The following CUEDC1 variants were observed in gnomAD, a reference collection of about 807,000 sequenced individuals.
CUEDC1 encodes CUE domain-containing protein 1.
In CUEDC1, 30 loss-of-function variants were observed where a neutral mutation model predicts 43.7. That is an observed-to-expected ratio of 0.69 (90% CI 0.51 to 0.93). The LOEUF (loss-of-function observed/expected upper bound fraction) is 0.93, where lower values mean the gene tolerates loss of function less well. Among genes scored for constraint, CUEDC1 ranks in the 40% least tolerant of loss-of-function variants. The probability of loss-of-function intolerance (pLI) is 0.00; values close to 1 mark genes in which losing one functional copy is unlikely to be tolerated. For missense variants in CUEDC1, 486 were observed against 549.0 expected (o/e 0.89, Z 1.15); for synonymous variants, 223 against 223.6 (o/e 1.00, Z 0.02).
Position 57,885,403 on chromosome 17 carries a change from G to A in CUEDC1, c.162C>T (p.Phe54=), listed in dbSNP as rs747866067. ...AATCCATGTTGGGGAACATGGTCTT[G>A]AAGTCGTCCATGGCCTGGTTGAACT... ...RLEFNQAMDD[F]KTMFPNMDYD... is the part of the protein sequence containing the mutation. The change falls in exon 2 of 11, where the codon TTC becomes TTT. Residue 54 remains phenylalanine, a synonymous_variant. Transcript: ENST00000577830. The A allele has an allele frequency of 1.2e-6, 2 of 1,610,226 alleles. No homozygotes were observed. Among genetic ancestry groups the A allele is most frequent in the Non-Finnish European group, 1.7e-6 (2 of 1,179,082 alleles).
intron 1 of CUEDC1, among the ~76,000 whole-genome samples, chr17:57,904,530 C>T (rs923131547): frequency 6.6e-6 from 1 of 152,156 alleles, no homozygotes; most frequent in Non-Finnish European, 1.5e-5. Context: ...TTTGAGCAAG[C>T]CTTATAAGCC....
Position 57,879,696 on chromosome 17 carries a change from G to C in CUEDC1, c.379C>G (p.Pro127Ala), listed in dbSNP as rs2144949390. The C allele has an allele frequency of 6.2e-7, 1 of 1,601,562 alleles. No homozygotes were observed. Among genetic ancestry groups the C allele is most frequent in the East Asian group, 2.3e-5 (1 of 43,338 alleles). The part of the protein sequence containing the change: ...TLEPDSSDEE[P>A]PPVYSPPAYH... ...GCTGGCGGGGAGTACACAGGTGGGG[G>C]CTCTTCATCCGAGCTATCAGGTTCC... The change falls in exon 3 of 11, where the codon CCC becomes GCC. Residue 127 changes from proline to alanine, a missense_variant. Pro to Ala is a conservative substitution (Grantham distance 27). Coordinates refer to ENST00000577830, the MANE Select transcript of CUEDC1 (RefSeq NM_001271875.2).
chr17:57,943,564 A>G (rs532794359), intron 1 of CUEDC1, among the ~76,000 whole-genome samples: 1 of 152,088 alleles, frequency 6.6e-6, no homozygotes, highest in Non-Finnish European at 1.5e-5. Context: ...TTCACCATCC[A>G]TGGCAGTTTT....
At position 57,885,674 on chromosome 17, in the gene CUEDC1, C is replaced by T. The variant is rs991335860; in HGVS notation, c.-110G>A. On this transcript the variant is annotated 5_prime_UTR_variant, in exon 2 of 11. Transcript: ENST00000577830. Reference sequence around the variant, plus strand: ...CCCTGCGGTCTCGGGCAGCTCACTCCTGCGCCTCCTCCTCCCCGGGTAGCC... The same window carrying T: ...CCCTGCGGTCTCGGGCAGCTCACTCTTGCGCCTCCTCCTCCCCGGGTAGCC... 5 of 1,307,738 alleles carry T rather than the reference C, an allele frequency of 3.8e-6. No homozygotes were observed. The highest frequency in any genetic ancestry group is 4.8e-6 in the Non-Finnish European group (5 of 1,032,676). 81.0% of individuals were successfully genotyped at this position (1,307,738 alleles called of 1,614,324 possible).
chr17:57,908,031 A>T (rs929830069), intron 1 of CUEDC1, among the ~76,000 whole-genome samples: 1 of 151,978 alleles, frequency 6.6e-6, no homozygotes, highest in African/African-American at 2.4e-5. Flanking sequence ...CCTCGTTCAC[A>T]CACGCATGCC....
chr17:57,886,893 A>G (rs1284964043), intron 1 of CUEDC1, among the ~76,000 whole-genome samples: 1 of 140,726 alleles, frequency 7.1e-6, no homozygotes, highest in Non-Finnish European at 1.5e-5. Flanking sequence ...ATCTCGGTTC[A>G]CTGCAAACTC....
intron 1 of CUEDC1, among the ~76,000 whole-genome samples, chr17:57,911,600 T>G (rs2074584229): frequency 6.6e-6 from 1 of 152,180 alleles, no homozygotes. Context: ...CCTCCCAGGT[T>G]CAAGCAATTC....
rs2074789574 is a variant in CUEDC1, at chr17:57,930,094, C to A, written c.-316+25131G>T. On this transcript the variant is annotated intron_variant, in intron 1 of 10. Coordinates refer to ENST00000577830, the MANE Select transcript of CUEDC1 (RefSeq NM_001271875.2). This position sits in a 1 kb window ranked among gnomAD's most constrained non-coding sequence, Gnocchi z 4.2. The stretch of plus-strand genomic sequence containing the variant: ...CTGGGATTACAGGCGTGAGCCACTG[C>A]GCCCGGCCACTTCTCAGACTTTAAT... 6.6e-6 allele frequency among the ~76,000 whole-genome samples: 1 copy of A among 152,204 alleles called. No homozygotes were observed. The highest frequency in any genetic ancestry group is 6.5e-5 in the Admixed American group (1 of 15,288).
At chr17:57,936,894 C>T (rs554234081) in intron 1 of CUEDC1, among the ~76,000 whole-genome samples, 16 of 151,232 alleles carry the variant, frequency 1.1e-4, no homozygotes, top group African/African-American at 3.9e-4. Context: ...GATCTCGGCT[C>T]ACTGCAACCT....
chr17:57,925,295 G>C (rs2074736229), intron 1 of CUEDC1, among the ~76,000 whole-genome samples: 1 of 152,156 alleles, frequency 6.6e-6, no homozygotes, highest in Non-Finnish European at 1.5e-5. Flanking sequence ...GTGTGACTGA[G>C]AAGTCAGGAT....
intron 1 of CUEDC1, among the ~76,000 whole-genome samples, chr17:57,926,215 C>A (rs1374455396): frequency 1.3e-5 from 2 of 152,174 alleles, no homozygotes; most frequent in East Asian, 3.8e-4. Flanking sequence ...CCCTCACCTG[C>A]CACTCATAGC....
chr17:57,940,466 C>T (rs1160998807), intron 1 of CUEDC1, among the ~76,000 whole-genome samples: 1 of 152,150 alleles, frequency 6.6e-6, no homozygotes, highest in African/African-American at 2.4e-5. Flanking sequence ...TGTCAGTTTC[C>T]TCCATCTCTC....
chr17:57,936,376 T>G (rs2074862208), intron 1 of CUEDC1, among the ~76,000 whole-genome samples: 2 of 152,084 alleles, frequency 1.3e-5, no homozygotes, highest in Non-Finnish European at 2.9e-5. Flanking sequence ...GGTCAGAGCT[T>G]CTTCATTTAT....
chr17:57,905,645 C>T (rs1315580164), intron 1 of CUEDC1, among the ~76,000 whole-genome samples: 1 of 152,146 alleles, frequency 6.6e-6, no homozygotes, highest in East Asian at 1.9e-4. Flanking sequence ...CCATATGCAA[C>T]AAAAAACACA....
chr17:57,880,078 A>C (rs1408637864), intron 2 of CUEDC1, among the ~76,000 whole-genome samples: 1 of 152,136 alleles, frequency 6.6e-6, no homozygotes, highest in South Asian at 2.1e-4. Context: ...CCCTCTGTGG[A>C]GCGGGTAAGG....
At chr17:57,878,471 G>T (rs1816706800) in intron 3 of CUEDC1, among the ~76,000 whole-genome samples, 1 of 151,832 alleles carries the variant, frequency 6.6e-6, no homozygotes, top group South Asian at 2.1e-4. Context: ...ACTGGGACAG[G>T]TGCCCTGTCC....
At chr17:57,899,520 A>C (rs1346044010) in intron 1 of CUEDC1, among the ~76,000 whole-genome samples, 4 of 152,274 alleles carry the variant, frequency 2.6e-5, no homozygotes, top group African/African-American at 9.6e-5. Flanking sequence ...CTGGGATTCG[A>C]ACCCAGATCG....
chr17:57,922,967 C>T (rs2074712444), intron 1 of CUEDC1, among the ~76,000 whole-genome samples: 1 of 151,752 alleles, frequency 6.6e-6, no homozygotes, highest in African/African-American at 2.4e-5. Flanking sequence ...CCTTGACCTC[C>T]AGGGCTCAAG....
chr17:57,916,671 A>C (rs577791360), intron 1 of CUEDC1, among the ~76,000 whole-genome samples: 1 of 152,276 alleles, frequency 6.6e-6, no homozygotes, highest in East Asian at 1.9e-4. Flanking sequence ...TTCAGGCCAC[A>C]GAGAGGAGGC....
Sources: gnomAD v4.1 joint callset for allele counts (sites outside exome capture counted in the v4.1 genomes callset) on GRCh38, gnomAD v4.1.1 for gene constraint, Gnocchi (gnomAD v3.1) non-coding constraint, MANE v1.5 for transcripts, NCBI Gene and HGNC (gene_info 2026-07-23, HGNC 2026-07-21) for gene names.